Variants in PZP observed in about 807,000 individuals in gnomAD.
The protein encoded by PZP is pregnancy zone protein.
PZP carries 150 observed loss-of-function variants against 179.8 expected under a neutral mutation model. The observed-to-expected ratio is 0.83, with a 90% CI of 0.73 to 0.96. PZP has a LOEUF of 0.96. PZP is among the 40% of genes least tolerant of loss of function. PZP has a pLI of 0.00. For missense variants in PZP, 1,689 were observed against 1,764.0 expected (o/e 0.96, Z 0.76); for synonymous variants, 624 against 652.3 (o/e 0.96, Z 0.66).
intron 25 of PZP, among the ~76,000 whole-genome samples, 181 bp from the exon 26 acceptor site, chr12:9,158,757 CTTTTT>C (rs60888135): frequency 7.2e-4 from 90 of 125,386 alleles, no homozygotes; most frequent in Non-Finnish European, 8.9e-4. Flanking sequence ...CTTTTCTTTT[CTTTTT>C]TTTTTTTTTT....
chr12:9,207,151 A>C (rs1453772780), intron 1 of PZP, among the ~76,000 whole-genome samples: 2 of 152,238 alleles, frequency 1.3e-5, no homozygotes, highest in Non-Finnish European at 2.9e-5. Flanking sequence ...TATTTGTGTT[A>C]GATGGATAAG....
Position 9,157,818 on chromosome 12 carries a change from G to A in PZP, c.3318C>T (p.Thr1106=). 6.2e-7 allele frequency: 1 copy of A among 1,613,936 alleles called. No homozygotes were observed. Among genetic ancestry groups the A allele is most frequent in the Non-Finnish European group, 8.5e-7 (1 of 1,179,896 alleles). The change falls in exon 27 of 36, where the codon ACC becomes ACT. Residue 1106 remains threonine (T), a synonymous_variant. Transcript: ENST00000261336. ...AIKGGVEDEA[T]LSAYVTIALL... is the part of the protein sequence containing the mutation. Reference sequence around the variant, plus strand: ...GGGCAATAGTAACATAGGCGGAGAGGGTCGCTTCATCTTCTACACCTCCCT... The same window carrying A: ...GGGCAATAGTAACATAGGCGGAGAGAGTCGCTTCATCTTCTACACCTCCCT...
At chr12:9,199,345 C>T (rs1422072532) in intron 7 of PZP, among the ~76,000 whole-genome samples, 1 of 152,074 alleles carries the variant, frequency 6.6e-6, no homozygotes, top group African/African-American at 2.4e-5. Flanking sequence ...CCTCCTTCCT[C>T]AATGACAGGA....
chr12:9,138,951 GT>G, the PZP span, among the ~76,000 whole-genome samples: 58 of 149,084 alleles, frequency 3.9e-4, no homozygotes, highest in Non-Finnish European at 8.1e-4. Flanking sequence ...TCTAATTTTT[GT>G]TATTTCTTTC....
At chr12:9,163,389 C>T (rs1321973103) in intron 21 of PZP, among the ~76,000 whole-genome samples, 4 of 151,078 alleles carry the variant, frequency 2.6e-5, no homozygotes, top group African/African-American at 9.7e-5. Flanking sequence ...GGAGGCAGAG[C>T]TTTCAGTGAG....
downstream of PZP, chr12:9,148,815 G>A: frequency 1.6e-6 from 1 of 626,060 alleles, no homozygotes; most frequent in Non-Finnish European, 2.8e-6. Context: ...ATTAATGTCT[G>A]ATGAATGAAT....
intron 13 of PZP, 66 bp downstream of exon 13, chr12:9,192,127 C>T (rs987676678): frequency 1.5e-6 from 2 of 1,350,934 alleles, no homozygotes; most frequent in African/African-American, 2.9e-5. Flanking sequence ...CATTTATGAA[C>T]TGTCACCGAG....
Position 9,161,050 on chromosome 12 carries a change from G to A in PZP, c.2855C>T (p.Ala952Val), listed in dbSNP as rs1442521771. Residue 952 changes from alanine to valine, a missense_variant, in exon 23 of 36, where the codon GCT (alanine) becomes GTT (valine). Ala to Val is a moderately conservative substitution (Grantham distance 64). Around this residue, in one of 3 missense-constraint regions of PZP, gnomAD observed 746 missense variants for 749.2 expected, o/e 1.00. Transcript: ENST00000261336. ...TGACTCACCCAGAACTGAGAAAGAA[G>A]CTCTGGCAGATTCTTTGACCACATT... Reference protein sequence around the residue: ...PSNVVKESARASFSVLGDILG... With the variant: ...PSNVVKESARVSFSVLGDILG... The A allele has an allele frequency of 6.3e-6, 10 of 1,595,278 alleles. 1 individual carries two copies. The South Asian group carries it at 7.7e-5, about 12-fold the overall frequency.
At chr12:9,189,689 ATAGAG>A (rs1592534494) in intron 13 of PZP, among the ~76,000 whole-genome samples, 1 of 152,186 alleles carries the variant, frequency 6.6e-6, no homozygotes, top group African/African-American at 2.4e-5. Context: ...GAAACTATCA[ATAGAG>A]TAAACAGACA....
intron 2 of PZP, 86 bp from the exon 3 acceptor site, chr12:9,202,770 C>T (rs1317593995): frequency 7.6e-6 from 10 of 1,308,458 alleles, no homozygotes; most frequent in African/African-American, 1.5e-5. Context: ...TCCTATCTCT[C>T]CTTCAGCTTC....
chr12:9,162,700 G>A (rs751203716), intron 21 of PZP, 52 bp from the exon 22 acceptor site: 8 of 1,381,508 alleles, frequency 5.8e-6, no homozygotes, highest in Non-Finnish European at 7.1e-6. Flanking sequence ...CTGGTGACAA[G>A]AGAACCACAT....
At position 9,202,688 on chromosome 12, in the gene PZP, A is replaced by G. The variant is rs368063367; in HGVS notation, c.268-4T>C. 6.2e-6 allele frequency: 10 copies of G among 1,612,662 alleles called. No individual in the cohort carries two copies. The Middle Eastern group carries it at 5.0e-4, about 80-fold the overall frequency. Reference sequence around the variant, plus strand: ...AAGAGGCTGAGATCCTTGGGAGCTAAAAAGCAAAGGATTTTTTACTACTGA... The same window carrying G: ...AAGAGGCTGAGATCCTTGGGAGCTAGAAAGCAAAGGATTTTTTACTACTGA... On this transcript the variant is annotated splice_region_variant and splice_polypyrimidine_tract_variant and intron_variant, in intron 2 of 35. Transcript: ENST00000261336.
intron 28 of PZP, among the ~76,000 whole-genome samples, chr12:9,155,480 T>TTTG (rs1323069727): frequency 6.8e-6 from 1 of 147,494 alleles, no homozygotes; most frequent in Non-Finnish European, 1.5e-5. Context: ...TGTTTTGTTT[T>TTTG]TTGTTGTTGT....
At chr12:9,195,520 A>G (rs916557355) in intron 10 of PZP, among the ~76,000 whole-genome samples, 1 of 151,012 alleles carries the variant, frequency 6.6e-6, no homozygotes, top group Non-Finnish European at 1.5e-5. Context: ...TATAACTCAC[A>G]GCAGCATCGA....
downstream of PZP, among the ~76,000 whole-genome samples, chr12:9,146,701 T>C (rs1180865377): frequency 6.6e-6 from 1 of 152,184 alleles, no homozygotes; most frequent in Admixed American, 6.5e-5. Flanking sequence ...CTAACAATCC[T>C]TTCTCTTCTC....
intron 7 of PZP, among the ~76,000 whole-genome samples, chr12:9,199,847 G>A (rs772340708): frequency 1.3e-5 from 2 of 152,234 alleles, no homozygotes; most frequent in East Asian, 1.9e-4. Context: ...ACTTTGGCAC[G>A]TGATTGAAAA....
chr12:9,195,124 T>A (rs1273777280), intron 10 of PZP, among the ~76,000 whole-genome samples: 2 of 152,166 alleles, frequency 1.3e-5, no homozygotes, highest in African/African-American at 2.4e-5. Context: ...GACAAATATT[T>A]AAGGTGATGA....
chr12:9,154,465 C>T, intron 29 of PZP, 151 bp downstream of exon 29: 1 of 803,110 alleles, frequency 1.2e-6, no homozygotes, highest in Non-Finnish European at 1.9e-6. Flanking sequence ...TGTCTTAAGT[C>T]TTTCCTTTAA....
intron 34 of PZP, 118 bp from the exon 35 acceptor site, chr12:9,149,720 C>T (rs1490477679): frequency 3.6e-6 from 3 of 825,682 alleles, no homozygotes; most frequent in Middle Eastern, 2.6e-4. Context: ...ATTGTCAAAA[C>T]TTCATGTAAA....
Sources: gnomAD v4.1 joint callset for allele counts (sites outside exome capture counted in the v4.1 genomes callset) on GRCh38, gnomAD v4.1.1 for gene constraint, gnomAD v4.1.1 regional missense constraint, MANE v1.5 for transcripts, NCBI Gene and HGNC (gene_info 2026-07-23, HGNC 2026-07-21) for gene names.